The following NELL1 variants were observed in gnomAD, a reference collection of about 807,000 sequenced individuals.
NELL1 encodes protein kinase C-binding protein NELL1.
In NELL1, 76 loss-of-function variants were observed where a neutral mutation model predicts 107.4. The ratio of observed to expected loss-of-function variants is 0.71; its 90% CI spans 0.59 to 0.86. The LOEUF is 0.86. NELL1 is among the 40% of genes least tolerant of loss of function. NELL1 has a pLI of 0.00. For missense variants in NELL1, 1,024 were observed against 1,005.5 expected, an observed-to-expected ratio of 1.02 and a Z score of -0.25; for synonymous variants, 353 against 341.2, an observed-to-expected ratio of 1.03 and a Z score of -0.38.
intron 12 of NELL1, among the ~76,000 whole-genome samples, chr11:21,021,052 G>A (rs1008661496): frequency 1.8e-5 from 2 of 109,530 alleles, no homozygotes; most frequent in Admixed American, 1.7e-4. Flanking sequence ...CACACACAGA[G>A]TTAAAATCTC....
intron 13 of NELL1, among the ~76,000 whole-genome samples, chr11:21,139,882 T>C (rs2133770142): frequency 6.6e-6 from 1 of 152,312 alleles, no homozygotes; most frequent in Non-Finnish European, 1.5e-5. Context: ...AAGGATGTCA[T>C]CAAGGACCTG....
intron 14 of NELL1, among the ~76,000 whole-genome samples, chr11:21,327,185 G>T (rs1295266319): frequency 8.1e-6 from 1 of 124,068 alleles, no homozygotes; most frequent in Non-Finnish European, 1.7e-5. Flanking sequence ...TTTTGTGGGG[G>T]GGACTGTTGT....
At chr11:21,088,199 C>A (rs150227121) in intron 12 of NELL1, among the ~76,000 whole-genome samples, 1 of 151,642 alleles carries the variant, frequency 6.6e-6, no homozygotes, top group Non-Finnish European at 1.5e-5. Context: ...ACGACCATAC[C>A]CTCCGGGACA....
chr11:21,536,338 T>G (rs1417179620), intron 16 of NELL1, among the ~76,000 whole-genome samples: 2 of 152,160 alleles, frequency 1.3e-5, no homozygotes, highest in East Asian at 1.9e-4. Flanking sequence ...GTTAAACCAA[T>G]TTTATAACTG....
Position 20,888,863 on chromosome 11 carries a change from C to T in NELL1, c.603+3323C>T, listed in dbSNP as rs143032234. On this transcript the variant is annotated intron_variant, in intron 5 of 19. Transcript: ENST00000357134. ...TTGACTCTTGTTCCTCAGTTGTCCT[C>T]ACATGGTCTCTCATCTCCAATGGCC... Among the ~76,000 whole-genome samples, 1,332 of 152,312 alleles carry T rather than the reference C, an allele frequency of 8.7e-3. 7 individuals carry two copies. The highest frequency in any genetic ancestry group is 0.071 in the Middle Eastern group (21 of 294).
intron 4 of NELL1, among the ~76,000 whole-genome samples, chr11:20,865,959 C>T (rs568070414): frequency 6.6e-6 from 1 of 152,274 alleles, no homozygotes; most frequent in Admixed American, 6.5e-5. Context: ...TAGCTGTGTG[C>T]TCTTGGGTGT....
intron 15 of NELL1, among the ~76,000 whole-genome samples, chr11:21,482,366 C>T (rs1854514394): frequency 6.6e-6 from 1 of 152,104 alleles, no homozygotes; most frequent in Non-Finnish European, 1.5e-5. Context: ...CTCTAGGGGC[C>T]ATGGTACTAG....
At chr11:21,436,203 C>T (rs537335624) in intron 15 of NELL1, among the ~76,000 whole-genome samples, 62 of 152,112 alleles carry the variant, frequency 4.1e-4, no homozygotes, top group African/African-American at 1.4e-3. Flanking sequence ...TACAGGTGTG[C>T]GCCACCACGT....
chr11:21,083,605 C>A (rs1854318698), intron 12 of NELL1, among the ~76,000 whole-genome samples: 2 of 152,014 alleles, frequency 1.3e-5, no homozygotes, highest in Admixed American at 6.5e-5. Context: ...AACATCTAGC[C>A]TTTGCTTGTC....
chr11:20,919,225 T>C lies in NELL1; in HGVS notation c.677-27T>C, dbSNP rs371182650. 1.6e-4 allele frequency: 210 copies of C among 1,319,296 alleles called. No homozygotes were observed. In the African/African-American group the frequency reaches 2.0e-3, roughly 12 times the overall value. The allele number at this position is 1,319,296 out of a possible 1,614,324, so 81.7% of individuals were successfully genotyped here. ...TTCTTATATTAGCACAATATAAATA[T>C]ATATGTTTTATATTTTCTTTATTGA... is the stretch of plus-strand genomic sequence containing the variant. On this transcript the variant is annotated intron_variant, in intron 6 of 19. Coordinates refer to ENST00000357134, the MANE Select transcript of NELL1 (RefSeq NM_006157.5).
At chr11:21,450,517 T>C (rs928579320) in intron 15 of NELL1, among the ~76,000 whole-genome samples, 1 of 152,232 alleles carries the variant, frequency 6.6e-6, no homozygotes, top group Non-Finnish European at 1.5e-5. Flanking sequence ...ATGATACTAA[T>C]TGCAATCTGG....
At chr11:20,831,971 G>A (rs1000735002) in intron 3 of NELL1, among the ~76,000 whole-genome samples, 3 of 152,206 alleles carry the variant, frequency 2.0e-5, no homozygotes, top group African/African-American at 7.2e-5. Context: ...CTCCTGAGGA[G>A]GGAACAGGGA....
chr11:21,557,176 A>T (rs1856735551), intron 16 of NELL1, among the ~76,000 whole-genome samples: 2 of 152,024 alleles, frequency 1.3e-5, no homozygotes, highest in Non-Finnish European at 2.9e-5. Flanking sequence ...GCTAAATTGC[A>T]TGGAAACAGA....
At chr11:21,062,636 C>T (rs991884110) in intron 12 of NELL1, among the ~76,000 whole-genome samples, 2 of 152,108 alleles carry the variant, frequency 1.3e-5, no homozygotes, top group Admixed American at 6.6e-5. Flanking sequence ...CCTGGAATTA[C>T]CATTGATCCT....
intron 14 of NELL1, among the ~76,000 whole-genome samples, chr11:21,326,228 G>A (rs910528102): frequency 6.7e-6 from 1 of 148,180 alleles, no homozygotes; most frequent in African/African-American, 2.5e-5. Flanking sequence ...CTTCTTTTTG[G>A]ATGAACAGAA....
At chr11:21,211,555 G>A (rs1296589668) in intron 13 of NELL1, among the ~76,000 whole-genome samples, 1 of 152,158 alleles carries the variant, frequency 6.6e-6, no homozygotes, top group East Asian at 1.9e-4. Context: ...ATTGCTGTAA[G>A]TGCAGTATGA....
chr11:21,322,611 G>A (rs1850038405), intron 14 of NELL1, among the ~76,000 whole-genome samples: 1 of 151,874 alleles, frequency 6.6e-6, no homozygotes, highest in African/African-American at 2.4e-5. Flanking sequence ...TTCTAGTCTG[G>A]TCTAGTCTAC....
intron 13 of NELL1, among the ~76,000 whole-genome samples, chr11:21,114,082 G>C (rs989964483): frequency 1.3e-5 from 2 of 151,948 alleles, no homozygotes; most frequent in Non-Finnish European, 2.9e-5. Flanking sequence ...AATGTACTTT[G>C]TTCCCACTGG....
chr11:20,751,544 A>G (rs1175627309), intron 2 of NELL1, among the ~76,000 whole-genome samples: 1 of 151,986 alleles, frequency 6.6e-6, no homozygotes, highest in Non-Finnish European at 1.5e-5. Context: ...TGGCATGACC[A>G]TGGCTTACTG....
Sources: allele counts gnomAD v4.1 joint callset (sites outside exome capture counted in the v4.1 genomes callset), GRCh38; gene constraint gnomAD v4.1.1; transcripts MANE v1.5; gene names NCBI Gene and HGNC (gene_info 2026-07-23, HGNC 2026-07-21).